SMOX: variants seen among roughly 807,000 people sequenced by gnomAD.
The protein encoded by SMOX is flavin containing amine oxidase.
Under a neutral mutation model 51.0 loss-of-function variants are expected in SMOX, and 22 were observed. The ratio of observed to expected loss-of-function variants is 0.43; its 90% CI spans 0.31 to 0.62. The LOEUF is 0.62. Ranked by LOEUF, SMOX falls within the 20% of genes least tolerant of loss-of-function variation. The probability of loss-of-function intolerance (pLI) is 0.10; values close to 1 mark genes in which losing one functional copy is unlikely to be tolerated. For missense variants in SMOX, 566 were observed against 777.7 expected (o/e 0.73, Z 3.24); for synonymous variants, 282 against 307.8 (o/e 0.92, Z 0.88).
chr20:4,167,571 G>T lies in SMOX; in HGVS notation c.-26-7459G>T, dbSNP rs1293826673. Among the ~76,000 whole-genome samples the T allele has an allele frequency of 6.6e-6, 1 of 152,144 alleles. No homozygotes were observed. Among genetic ancestry groups the T allele is most frequent in the African/African-American group, 2.4e-5 (1 of 41,414 alleles). ...GTGGGGTACAGAGGGTGCGTCCTTGGAGTGAGTTCAGAGGTGTTGGCCAAG... is the reference window on the plus strand; with the variant it reads ...GTGGGGTACAGAGGGTGCGTCCTTGTAGTGAGTTCAGAGGTGTTGGCCAAG... On this transcript the variant is annotated intron_variant, in intron 1 of 6. Coordinates refer to ENST00000305958, the MANE Select transcript of SMOX (RefSeq NM_175839.3). The surrounding 1 kb of genome is among the most constrained non-coding windows in gnomAD (Gnocchi z 4.8).
chr20:4,152,167 G>A (rs1324373264), intron 1 of SMOX, among the ~76,000 whole-genome samples: 2 of 152,164 alleles, frequency 1.3e-5, no homozygotes. Flanking sequence ...GTGTCACTGT[G>A]GTTGGGGTAA....
chr20:4,152,147 G>A (rs150364376), intron 1 of SMOX, among the ~76,000 whole-genome samples: 6 of 152,344 alleles, frequency 3.9e-5, no homozygotes, highest in African/African-American at 1.4e-4. Flanking sequence ...TGGGATGTGA[G>A]TCTGTGTGTG....
chr20:4,178,902 C>T (rs1344851313), intron 3 of SMOX, among the ~76,000 whole-genome samples: 1 of 152,080 alleles, frequency 6.6e-6, no homozygotes, highest in Non-Finnish European at 1.5e-5. Context: ...AGGCTGGTCT[C>T]GAACTCCTGA....
At chr20:4,175,540 A>G (rs1978770535) in intron 2 of SMOX, among the ~76,000 whole-genome samples, 1 of 152,144 alleles carries the variant, frequency 6.6e-6, no homozygotes, top group Non-Finnish European at 1.5e-5. Context: ...CTCTCTTGGT[A>G]CTGAGTGGGC....
chr20:4,184,706 T>C (rs1388331529), intron 6 of SMOX, among the ~76,000 whole-genome samples: 1 of 152,194 alleles, frequency 6.6e-6, no homozygotes, highest in Non-Finnish European at 1.5e-5. Context: ...AAAGGGCTGG[T>C]GTTTAAAGAG....
Position 4,166,442 on chromosome 20 carries a change from G to A in SMOX, c.-26-8588G>A, listed in dbSNP as rs1986575816. On this transcript the variant is annotated intron_variant, in intron 1 of 6. Transcript: ENST00000305958. The surrounding 1 kb of genome is among the most constrained non-coding windows in gnomAD (Gnocchi z 4.2). ...GGTTCACTGTAGCCTCGACTTCCTA[G>A]ACTGAAGCAATCCTCCTGCCTTGGC... Among the ~76,000 whole-genome samples the A allele has an allele frequency of 6.6e-6, 1 of 152,086 alleles. No homozygotes were observed. Among genetic ancestry groups the A allele is most frequent in the Non-Finnish European group, 1.5e-5 (1 of 67,982 alleles).
At chr20:4,176,994 G>A (rs977261138) in intron 2 of SMOX, among the ~76,000 whole-genome samples, 1 of 152,152 alleles carries the variant, frequency 6.6e-6, no homozygotes, top group Non-Finnish European at 1.5e-5. Flanking sequence ...GGACCCTCAG[G>A]TACCCACAGT....
chr20:4,169,652 C>CTG (rs1242973959), intron 1 of SMOX, among the ~76,000 whole-genome samples: 40 of 152,188 alleles, frequency 2.6e-4, no homozygotes, highest in Admixed American at 7.2e-4. Flanking sequence ...GGTGAGATGC[C>CTG]TGTGCTTTGG....
intron 1 of SMOX, among the ~76,000 whole-genome samples, chr20:4,163,787 G>C (rs1366614834): frequency 2.0e-5 from 3 of 152,174 alleles, no homozygotes; most frequent in African/African-American, 7.2e-5. Context: ...GCTGCCCCAG[G>C]GTTGCTTGAG....
chr20:4,174,961 G>T, intron 1 of SMOX, 69 bp from the exon 2 acceptor site: 1 of 1,467,992 alleles, frequency 6.8e-7, no homozygotes, highest in Non-Finnish European at 9.4e-7. Context: ...TGAAAGCCCT[G>T]AGTGTCCCTT....
In SMOX at chr20:4,172,791, TGGAGGGTGGGTGGGTG is replaced by T. The variant is rs1297883309; in HGVS notation, c.-26-2232_-26-2217del. Among the ~76,000 whole-genome samples, 1 of 4,644 alleles carries T rather than the reference TGGAGGGTGGGTGGGTG, an allele frequency of 2.2e-4. No homozygotes were observed. The highest frequency in any genetic ancestry group is 2.8e-3 in the Admixed American group (1 of 358). The allele number at this position is 4,644 out of a possible 152,430, so 3.0% of individuals were successfully genotyped here. A position where few individuals can be genotyped will look rare whatever the true frequency, so the allele number is the denominator to read the frequency against. On this transcript the variant is annotated intron_variant, in intron 1 of 6. Transcript: ENST00000305958. This position sits in a 1 kb window ranked among gnomAD's most constrained non-coding sequence, Gnocchi z 7.7. ...GGGGACTTGGAGGGATTTTAGGGGC[TGGAGGGTGGGTGGGTG>T]GGAGGGGGGGTGGTGGAGGGAGGAT...
At chr20:4,178,427 T>C (rs1979053727) in intron 3 of SMOX, among the ~76,000 whole-genome samples, 1 of 152,208 alleles carries the variant, frequency 6.6e-6, no homozygotes, top group South Asian at 2.1e-4. Context: ...TCTTGCCTTA[T>C]TGCACTGGTT....
chr20:4,154,258 A>T (rs1275991134), intron 1 of SMOX, among the ~76,000 whole-genome samples: 1 of 152,226 alleles, frequency 6.6e-6, no homozygotes, highest in East Asian at 1.9e-4. Flanking sequence ...AGTGGTCTAT[A>T]AAAGTGCTTT....
intron 1 of SMOX, among the ~76,000 whole-genome samples, chr20:4,150,453 C>T (rs1230445855): frequency 1.3e-5 from 2 of 152,180 alleles, no homozygotes; most frequent in Non-Finnish European, 2.9e-5. Flanking sequence ...GGTTTTCTTC[C>T]CTCCTTGGCT....
intron 1 of SMOX, among the ~76,000 whole-genome samples, chr20:4,173,400 G>A (rs1978574224): frequency 6.6e-6 from 1 of 152,152 alleles, no homozygotes; most frequent in Non-Finnish European, 1.5e-5. Flanking sequence ...TCAGTACTTG[G>A]GTTCTGTCTA....
At position 4,170,045 on chromosome 20, in the gene SMOX, T is replaced by G. The variant is rs1051160726; in HGVS notation, c.-26-4985T>G. Among the ~76,000 whole-genome samples the G allele has an allele frequency of 6.6e-6, 1 of 151,952 alleles. No individual in the cohort carries two copies. The highest frequency in any genetic ancestry group is 2.4e-5 in the African/African-American group (1 of 41,362). ...GGCCTGCTACATAGTAGGTGCTCAG[T>G]GAATTGCTAAATTATATTCCCTGGC... is the stretch of plus-strand genomic sequence containing the variant. On this transcript the variant is annotated intron_variant, in intron 1 of 6. Coordinates refer to ENST00000305958, the MANE Select transcript of SMOX (RefSeq NM_175839.3). This position sits in a 1 kb window ranked among gnomAD's most constrained non-coding sequence, Gnocchi z 4.6.
chr20:4,163,291 CA>C (rs981651168), intron 1 of SMOX, among the ~76,000 whole-genome samples: 4 of 152,138 alleles, frequency 2.6e-5, no homozygotes, highest in African/African-American at 9.7e-5. Context: ...TAAAAATCTC[CA>C]GGTGAGTCTA....
In SMOX at chr20:4,151,052, G is replaced by A. The variant is rs1213167288; in HGVS notation, c.-27+2075G>A. Reference sequence around the variant, plus strand: ...TCACCATGTTGCCCAGGCTGGTCTCGAACTCCTGATCTCAGGTGATCCACC... The same window carrying A: ...TCACCATGTTGCCCAGGCTGGTCTCAAACTCCTGATCTCAGGTGATCCACC... On this transcript the variant is annotated intron_variant, in intron 1 of 6. Transcript: ENST00000305958. Among the ~76,000 whole-genome samples the A allele has an allele frequency of 2.0e-5, 3 of 151,892 alleles. 1 individual carries two copies. Among genetic ancestry groups the A allele is most frequent in the Non-Finnish European group, 1.5e-5 (1 of 67,978 alleles).
At chr20:4,161,308 G>T (rs1421169256) in intron 1 of SMOX, among the ~76,000 whole-genome samples, 1 of 152,208 alleles carries the variant, frequency 6.6e-6, no homozygotes, top group African/African-American at 2.4e-5. Context: ...GTTTGGGGGT[G>T]TGCCTGGCCC....
Sources: allele counts gnomAD v4.1 joint callset (sites outside exome capture counted in the v4.1 genomes callset), GRCh38; gene constraint gnomAD v4.1.1; non-coding constraint Gnocchi (gnomAD v3.1); transcripts MANE v1.5; gene names NCBI Gene and HGNC (gene_info 2026-07-23, HGNC 2026-07-21).